Variants in LRRTM4 observed in about 807,000 individuals in gnomAD.
The protein encoded by LRRTM4 is leucine rich repeat transmembrane neuronal 4, also known as leucine-rich repeat transmembrane neuronal protein 4.
A neutral mutation model predicts 47.6 loss-of-function variants in LRRTM4; 25 were observed. The observed-to-expected ratio is 0.53, with a 90% CI of 0.38 to 0.73. LRRTM4 has a LOEUF of 0.73. LRRTM4 is among the 30% of genes least tolerant of loss of function. LRRTM4 has a pLI of 0.00. For synonymous variants in LRRTM4, 311 were observed against 269.5 expected, an observed-to-expected ratio of 1.15 and a Z score of -1.51; for missense variants, 638 against 713.4, an observed-to-expected ratio of 0.89 and a Z score of 1.20.
At chr2:76,823,822 T>C (rs1182357605) in intron 3 of LRRTM4, among the ~76,000 whole-genome samples, 1 of 151,560 alleles carries the variant, frequency 6.6e-6, no homozygotes, top group Non-Finnish European at 1.5e-5. Context: ...GCCATGTATA[T>C]GTTACAAATA....
chr2:77,076,485 A>G (rs1001998780), intron 3 of LRRTM4, among the ~76,000 whole-genome samples: 7 of 152,160 alleles, frequency 4.6e-5, no homozygotes, highest in Non-Finnish European at 7.4e-5. Context: ...TAAAAAACAG[A>G]TATTACAGTA....
At chr2:77,021,767 A>G (rs933506165) in intron 3 of LRRTM4, among the ~76,000 whole-genome samples, 1 of 152,194 alleles carries the variant, frequency 6.6e-6, no homozygotes, top group East Asian at 1.9e-4. Flanking sequence ...GAAAGTGGTT[A>G]TTTAGCAATA....
intron 3 of LRRTM4, among the ~76,000 whole-genome samples, chr2:77,075,609 A>T (rs1680306729): frequency 6.6e-6 from 1 of 152,028 alleles, no homozygotes; most frequent in African/African-American, 2.4e-5. Context: ...TTTAAAATTA[A>T]TTTTCAATTT....
chr2:77,356,528 T>G (rs561460488), intron 3 of LRRTM4, among the ~76,000 whole-genome samples: 1 of 152,264 alleles, frequency 6.6e-6, no homozygotes, highest in Non-Finnish European at 1.5e-5. Context: ...AGGAAGAAGG[T>G]ATCTTCAATT....
At chr2:77,495,604 G>T (rs1197172759) in intron 3 of LRRTM4, among the ~76,000 whole-genome samples, 1 of 151,806 alleles carries the variant, frequency 6.6e-6, no homozygotes, top group Non-Finnish European at 1.5e-5. Context: ...CTTGATTTTG[G>T]CATACGGATG....
chr2:77,351,936 T>C (rs1210606521), intron 3 of LRRTM4, among the ~76,000 whole-genome samples: 1 of 152,132 alleles, frequency 6.6e-6, no homozygotes, highest in African/African-American at 2.4e-5. Flanking sequence ...TTCAATTCTC[T>C]GAGTATCCTC....
At chr2:76,844,174 G>A (rs60308879) in intron 3 of LRRTM4, among the ~76,000 whole-genome samples, 16,981 of 150,000 alleles carry the variant, frequency 0.11, 1,281 homozygotes, top group East Asian at 0.33. Context: ...TCACGCTGTC[G>A]TCCAGGCTGG....
At chr2:77,499,903 C>A (rs536798307) in intron 3 of LRRTM4, among the ~76,000 whole-genome samples, 6 of 151,648 alleles carry the variant, frequency 4.0e-5, no homozygotes, top group Non-Finnish European at 7.4e-5. Flanking sequence ...AAAAATTTGC[C>A]CTTAAAGTAT....
At chr2:77,013,686 C>G (rs1171411249) in intron 3 of LRRTM4, among the ~76,000 whole-genome samples, 3 of 152,052 alleles carry the variant, frequency 2.0e-5, no homozygotes, top group Non-Finnish European at 4.4e-5. Flanking sequence ...AAGAAAACAG[C>G]GATAACAATC....
intron 3 of LRRTM4, among the ~76,000 whole-genome samples, chr2:76,769,977 C>T (rs1344096317): frequency 6.6e-6 from 1 of 152,150 alleles, no homozygotes; most frequent in East Asian, 1.9e-4. Context: ...CAGACCTACT[C>T]GATCAAACCT....
rs1382440469 is a variant in LRRTM4 at position 76,799,555 on chromosome 2, CCT to C, written c.1552-50641_1552-50640del. ...GAAAACTGGCACAAGACAGGGATGC[CCT>C]CTCTCACCACTCCTATTCAACATAG... On this transcript the variant is annotated intron_variant, in intron 3 of 3. Coordinates refer to ENST00000409884, the MANE Select transcript of LRRTM4 (RefSeq NM_001134745.3). 5.2e-3 allele frequency among the ~76,000 whole-genome samples: 746 copies of C among 142,538 alleles called. 10 individuals carry two copies. The highest frequency in any genetic ancestry group is 0.019 in the African/African-American group (714 of 38,318). 93.5% of individuals were successfully genotyped at this position (142,538 alleles called of 152,430 possible). A position where few individuals can be genotyped will look rare whatever the true frequency, so the allele number is the denominator to read the frequency against.
At position 76,847,706 on chromosome 2, in the gene LRRTM4, A is replaced by C. The variant is rs189158116; in HGVS notation, c.1552-98790T>G. Among the ~76,000 whole-genome samples the C allele has an allele frequency of 2.7e-5, 4 of 150,156 alleles. No individual in the cohort carries two copies. In the East Asian group the frequency reaches 7.9e-4, roughly 30 times the overall value. On this transcript the variant is annotated intron_variant, in intron 3 of 3. Transcript: ENST00000409884. Reference sequence around the variant, plus strand: ...TCCATTACTTATTTGTAAACATTCCATAGACACTCACTTTTATTTTACCTT... The same window carrying C: ...TCCATTACTTATTTGTAAACATTCCCTAGACACTCACTTTTATTTTACCTT...
At chr2:77,265,909 A>T (rs1676037209) in intron 3 of LRRTM4, among the ~76,000 whole-genome samples, 1 of 152,192 alleles carries the variant, frequency 6.6e-6, no homozygotes, top group Non-Finnish European at 1.5e-5. Context: ...ATTTCAGATG[A>T]CATAAGATTT....
intron 3 of LRRTM4, among the ~76,000 whole-genome samples, chr2:77,155,119 G>A (rs1393990143): frequency 1.3e-5 from 2 of 151,978 alleles, no homozygotes; most frequent in African/African-American, 4.8e-5. Flanking sequence ...AAAATAAACA[G>A]TTGCATGGCA....
intron 3 of LRRTM4, among the ~76,000 whole-genome samples, chr2:77,095,391 C>A (rs528619125): frequency 2.6e-5 from 4 of 152,210 alleles, no homozygotes; most frequent in Admixed American, 6.5e-5. Flanking sequence ...ATCCAGCAAT[C>A]CCACTTTTAG....
At chr2:76,769,800 A>G (rs1205792270) in intron 3 of LRRTM4, among the ~76,000 whole-genome samples, 1 of 152,222 alleles carries the variant, frequency 6.6e-6, no homozygotes, top group Non-Finnish European at 1.5e-5. Context: ...CAGAATGGAA[A>G]TTGTATTTTT....
rs201809010 is a variant in LRRTM4, at chr2:76,933,575, ATAAT to A, written c.1552-184663_1552-184660del. Among the ~76,000 whole-genome samples, 47 of 152,246 alleles carry A rather than the reference ATAAT, an allele frequency of 3.1e-4. 1 individual carries two copies. The East Asian group carries it at 8.3e-3, about 27-fold the overall frequency. On this transcript the variant is annotated intron_variant, in intron 3 of 3. Transcript: ENST00000409884. ...CCTCAGGTATTAAAAATTGCATTTT[ATAAT>A]TAATTATTGCATTTAGATTATCATG...
At chr2:77,074,296 T>C (rs940472711) in intron 3 of LRRTM4, among the ~76,000 whole-genome samples, 12 of 152,132 alleles carry the variant, frequency 7.9e-5, no homozygotes, top group African/African-American at 2.9e-4. Flanking sequence ...CCTGTGTTCT[T>C]GGGCATTTGT....
intron 3 of LRRTM4, among the ~76,000 whole-genome samples, chr2:77,121,580 A>T (rs1286528441): frequency 6.6e-6 from 1 of 151,904 alleles, no homozygotes; most frequent in Non-Finnish European, 1.5e-5. Flanking sequence ...AAATATATAA[A>T]ACTGAAATAG....
Sources: gnomAD v4.1 joint callset for allele counts (sites outside exome capture counted in the v4.1 genomes callset) on GRCh38, gnomAD v4.1.1 for gene constraint, MANE v1.5 for transcripts, NCBI Gene and HGNC (gene_info 2026-07-23, HGNC 2026-07-21) for gene names.